The following FARS2 variants were observed in gnomAD, a reference collection of about 807,000 sequenced individuals.
FARS2 encodes the protein phenylalanine--tRNA ligase, mitochondrial.
Under a neutral mutation model 46.4 loss-of-function variants are expected in FARS2, and 40 were observed. The observed-to-expected ratio is 0.86, with a 90% confidence interval of 0.67 to 1.12. The LOEUF (loss-of-function observed/expected upper bound fraction) is 1.12. Ranked by LOEUF, FARS2 falls within the 50% of genes most tolerant of loss-of-function variation. The probability of loss-of-function intolerance (pLI) is 0.00; values close to 1 mark genes in which losing one functional copy is unlikely to be tolerated. For missense variants in FARS2, 513 were observed against 567.9 expected (o/e 0.90, Z 0.98); for synonymous variants, 234 against 214.9 (o/e 1.09, Z -0.78).
intron 1 of FARS2, among the ~76,000 whole-genome samples, chr6:5,307,812 C>A (rs745314982): frequency 4.0e-5 from 6 of 148,182 alleles, no homozygotes; most frequent in Non-Finnish European, 7.5e-5. Context: ...GTGGGGCACA[C>A]GGGGCTAGGA....
At chr6:5,731,319 C>T (rs1760608695) in intron 6 of FARS2, among the ~76,000 whole-genome samples, 1 of 152,032 alleles carries the variant, frequency 6.6e-6, no homozygotes, top group African/African-American at 2.4e-5. Context: ...TCCCTTCTTC[C>T]TCCTCTTTGT....
intron 5 of FARS2, among the ~76,000 whole-genome samples, chr6:5,562,722 AC>A (rs1561715089): frequency 3.4e-4 from 52 of 151,734 alleles, no homozygotes; most frequent in African/African-American, 9.7e-4. Flanking sequence ...ACACACACAC[AC>A]ACACAGTGTT....
intron 6 of FARS2, among the ~76,000 whole-genome samples, chr6:5,704,518 G>T (rs1758624696): frequency 1.3e-5 from 2 of 152,200 alleles, no homozygotes; most frequent in South Asian, 4.1e-4. Context: ...TTAAGTAAAA[G>T]AGTATAATTC....
Position 5,589,192 on chromosome 6 carries a change from C to T in FARS2, c.1066-23977C>T, listed in dbSNP as rs184016219. Among the ~76,000 whole-genome samples, 7 of 152,132 alleles carry T rather than the reference C, an allele frequency of 4.6e-5. No homozygotes were observed. The South Asian group carries it at 6.2e-4, about 14-fold the overall frequency. The stretch of plus-strand genomic sequence containing the variant: ...GCCAAGAGCTAGAGCCAGCTCCCCC[C>T]GTCCTAGGTCCCCCAACCCCAGTTC... On this transcript the variant is annotated intron_variant, in intron 5 of 6. Transcript: ENST00000274680.
chr6:5,514,099 TATA>T (rs1768634488), intron 4 of FARS2, among the ~76,000 whole-genome samples: 1 of 151,534 alleles, frequency 6.6e-6, no homozygotes, highest in Non-Finnish European at 1.5e-5. Context: ...CATATATATA[TATA>T]TATATATGAT....
In FARS2 at chr6:5,471,795, G is replaced by A. The variant is rs780408980; in HGVS notation, c.904+40623G>A. ...CTTGTCCCACCAGTGCACATGGTGC[G>A]CCCCGTCTGACACCAGGGCGACTTG... is the stretch of plus-strand genomic sequence containing the variant. On this transcript the variant is annotated intron_variant, in intron 4 of 6. Transcript: ENST00000274680. The surrounding 1 kb of genome is among the most constrained non-coding windows in gnomAD (Gnocchi z 4.1). Among the ~76,000 whole-genome samples the A allele has an allele frequency of 6.6e-6, 1 of 152,118 alleles. No homozygotes were observed. Among genetic ancestry groups the A allele is most frequent in the Non-Finnish European group, 1.5e-5 (1 of 68,022 alleles).
At chr6:5,563,323 A>G (rs1772123282) in intron 5 of FARS2, among the ~76,000 whole-genome samples, 1 of 152,214 alleles carries the variant, frequency 6.6e-6, no homozygotes, top group Admixed American at 6.5e-5. Context: ...GGGGGCAGCC[A>G]CATTGCCAGG....
intron 2 of FARS2, among the ~76,000 whole-genome samples, chr6:5,374,486 C>T (rs935102530): frequency 7.9e-5 from 12 of 152,018 alleles, no homozygotes; most frequent in Non-Finnish European, 2.9e-5. Context: ...AAATTAATAG[C>T]CTTTCCTCCA....
chr6:5,256,850 C>T (rs1401603605), upstream of FARS2, among the ~76,000 whole-genome samples: 2 of 152,170 alleles, frequency 1.3e-5, no homozygotes, highest in African/African-American at 4.8e-5. Flanking sequence ...AGTTTAAATT[C>T]ACCCTCTCTG....
At chr6:5,599,318 G>C (rs1774377798) in intron 5 of FARS2, among the ~76,000 whole-genome samples, 1 of 152,008 alleles carries the variant, frequency 6.6e-6, no homozygotes, top group Admixed American at 6.5e-5. Context: ...AGTACATGAT[G>C]GCACAAGACC....
At chr6:5,351,690 T>C (rs1395594030) in intron 1 of FARS2, among the ~76,000 whole-genome samples, 2 of 152,200 alleles carry the variant, frequency 1.3e-5, no homozygotes, top group Admixed American at 6.5e-5. Context: ...TATTTTTTTA[T>C]AGCATAAGAC....
chr6:5,401,224 A>T (rs868101982), intron 2 of FARS2, among the ~76,000 whole-genome samples: 1 of 152,072 alleles, frequency 6.6e-6, no homozygotes, highest in African/African-American at 2.4e-5. Context: ...ATGTCATAAC[A>T]TGTTACATTT....
At chr6:5,341,182 T>C (rs1332344273) in intron 1 of FARS2, among the ~76,000 whole-genome samples, 1 of 106,926 alleles carries the variant, frequency 9.4e-6, no homozygotes, top group African/African-American at 3.5e-5. Flanking sequence ...TCTGTGGCCA[T>C]GGGGAGATAT....
At chr6:5,274,340 A>C (rs1766178210) in intron 1 of FARS2, among the ~76,000 whole-genome samples, 1 of 152,152 alleles carries the variant, frequency 6.6e-6, no homozygotes, top group African/African-American at 2.4e-5. Flanking sequence ...TTCCCTCTTT[A>C]CCAGATACTT....
chr6:5,577,748 A>G (rs1773070975), intron 5 of FARS2, among the ~76,000 whole-genome samples: 1 of 152,010 alleles, frequency 6.6e-6, no homozygotes, highest in Non-Finnish European at 1.5e-5. Flanking sequence ...TTTGGAGTAA[A>G]CAATAATTGG....
intron 4 of FARS2, among the ~76,000 whole-genome samples, chr6:5,449,780 G>A (rs1764382074): frequency 6.6e-6 from 1 of 152,198 alleles, no homozygotes; most frequent in Admixed American, 6.5e-5. Context: ...GTTCCAATGA[G>A]CATTTCCTTT....
At chr6:5,660,897 C>A (rs905687905) in intron 6 of FARS2, among the ~76,000 whole-genome samples, 2 of 152,178 alleles carry the variant, frequency 1.3e-5, no homozygotes, top group African/African-American at 4.8e-5. Context: ...GTAGGGATCT[C>A]TCACTTTACC....
chr6:5,335,852 C>T (rs1010082455), intron 1 of FARS2, among the ~76,000 whole-genome samples: 3 of 152,164 alleles, frequency 2.0e-5, no homozygotes, highest in African/African-American at 7.2e-5. Context: ...GTCATATTGT[C>T]AAGTAGCAGG....
Position 5,624,286 on chromosome 6 carries a change from C to A in FARS2, c.1217+10966C>A, listed in dbSNP as rs575783871. 2.6e-5 allele frequency among the ~76,000 whole-genome samples: 4 copies of A among 152,296 alleles called. No homozygotes were observed. In the South Asian group the frequency reaches 8.3e-4, roughly 32 times the overall value. On this transcript the variant is annotated intron_variant, in intron 6 of 6. Coordinates refer to ENST00000274680, the MANE Select transcript of FARS2 (RefSeq NM_006567.5). The stretch of plus-strand genomic sequence containing the variant: ...CATCTCATTCCCATCACATAGCAGC[C>A]CTGCTTGACACCAGCATTAGATGAA...
Sources: gnomAD v4.1 joint callset for allele counts (sites outside exome capture counted in the v4.1 genomes callset) on GRCh38, gnomAD v4.1.1 for gene constraint, Gnocchi (gnomAD v3.1) non-coding constraint, MANE v1.5 for transcripts, NCBI Gene and HGNC (gene_info 2026-07-23, HGNC 2026-07-21) for gene names.